The following RBMX2 variants were observed in gnomAD, a reference collection of about 807,000 sequenced individuals.
RBMX2 encodes the protein RNA binding motif protein X-linked 2, also known as RNA-binding motif protein, X-linked 2.
For synonymous variants in RBMX2, 77 were observed against 94.3 expected (o/e 0.82, Z 1.07); for missense variants, 191 against 256.0 (o/e 0.75, Z 1.73).
intron 5 of RBMX2, 134 bp downstream of exon 5, chrX:130,411,659 A>T (rs1227910529): frequency 3.2e-6 from 2 of 618,813 alleles, no homozygotes; most frequent in Non-Finnish European, 4.7e-6. Context: ...TTGGGAAAGC[A>T]GGGAGTATCA....
chrX:130,403,785 G>A lies in RBMX2; in HGVS notation c.122-17G>A, dbSNP rs773755631. The A allele has an allele frequency of 2.5e-6, 3 of 1,205,264 alleles. No individual in the cohort carries two copies. Among genetic ancestry groups the A allele is most frequent in the East Asian group, 5.9e-5 (2 of 33,851 alleles). The stretch of plus-strand genomic sequence containing the variant: ...TGGTAAATGTTGGTGGAACTGAAAT[G>A]TGGTTTTCTCTTCTAGGAGGGCTTC... On this transcript the variant is annotated splice_polypyrimidine_tract_variant and intron_variant, in intron 2 of 5. Coordinates refer to ENST00000305536, the MANE Select transcript of RBMX2 (RefSeq NM_016024.4).
Position 130,406,809 on chromosome X carries a change from T to C in RBMX2, c.174-2448T>C, listed in dbSNP as rs2034488194. Among the ~76,000 whole-genome samples, 3 of 111,517 alleles carry C rather than the reference T, an allele frequency of 2.7e-5. No individual in the cohort carries two copies. The Admixed American group carries it at 2.8e-4, about 11-fold the overall frequency. On this transcript the variant is annotated intron_variant, in intron 3 of 5. Transcript: ENST00000305536. ...AATTCATTTATGTTTCATATACACCTTATACACATAGACTGAGGGTAATTT... is the reference window on the plus strand; with the variant it reads ...AATTCATTTATGTTTCATATACACCCTATACACATAGACTGAGGGTAATTT...
intron 1 of RBMX2, 30 bp from the exon 2 acceptor site, chrX:130,402,225 A>AACCAACCCCCCCC: frequency 3.0e-6 from 3 of 984,795 alleles, no homozygotes; most frequent in Non-Finnish European, 4.2e-6. Context: ...TTTTCTGCCT[A>AACCAACCCCCCCC]CCCTCCCCAC....
At chrX:130,408,425 A>G (rs1013612385) in intron 3 of RBMX2, among the ~76,000 whole-genome samples, 2 of 112,551 alleles carry the variant, frequency 1.8e-5, no homozygotes, top group Admixed American at 1.9e-4. Flanking sequence ...GTATGACGTT[A>G]GCCACATTTC....
chrX:130,402,225 A>ACCCCCCCCCCCCCCC, intron 1 of RBMX2, 30 bp from the exon 2 acceptor site: 1 of 984,793 alleles, frequency 1.0e-6, no homozygotes, highest in Admixed American at 2.5e-5. Context: ...TTTTCTGCCT[A>ACCCCCCCCCCCCCCC]CCCTCCCCAC....
Position 130,403,824 on chromosome X carries a change from T to C in RBMX2, c.144T>C (p.Thr48=). ...IFLGGLPYEL[T]EGDIICVFSQ... ...TAGGAGGGCTTCCTTATGAACTGAC[T>C]GAAGGGGACATCATCTGTGTGTTCT... The change falls in exon 3 of 6, where the codon ACT becomes ACC. Residue 48 remains threonine (T), a synonymous_variant. Transcript: ENST00000305536. 1 of 1,211,256 alleles carries C rather than the reference T, an allele frequency of 8.3e-7. No individual in the cohort carries two copies. The highest frequency in any genetic ancestry group is 1.8e-5 in the South Asian group (1 of 57,009).
At chrX:130,412,058 G>A (rs185007504) in intron 5 of RBMX2, among the ~76,000 whole-genome samples, 257 of 109,981 alleles carry the variant, frequency 2.3e-3, no homozygotes, top group Non-Finnish European at 3.7e-3. Context: ...GAGTAGCTGG[G>A]ACTAGAAGCA....
intron 3 of RBMX2, among the ~76,000 whole-genome samples, chrX:130,408,414 A>G (rs762053575): frequency 1.8e-5 from 2 of 112,389 alleles, no homozygotes; most frequent in Non-Finnish European, 3.8e-5. Context: ...AATTTTCCTG[A>G]GTATGACGTT....
intron 3 of RBMX2, among the ~76,000 whole-genome samples, chrX:130,405,834 T>G: frequency 8.9e-4 from 1 of 1,126 alleles, no homozygotes; most frequent in East Asian, 0.029. Flanking sequence ...TTGCTTTGCC[T>G]TTTTTTTTTT....
rs759323960 is a variant in RBMX2, at chrX:130,409,249, ATAAAT to A, written c.174-7_174-3del. The A allele has an allele frequency of 1.7e-6, 2 of 1,192,044 alleles. No individual in the cohort carries two copies. The highest frequency in any genetic ancestry group is 5.9e-5 in the East Asian group (2 of 33,674). Reference sequence around the variant, plus strand: ...CAACAGTGTCTTACTCTTTTATAAAATAAATAGATATGGGGAGATTGTTAACATTA... The same window carrying A: ...CAACAGTGTCTTACTCTTTTATAAAAAGATATGGGGAGATTGTTAACATTA... On this transcript the variant is annotated splice_region_variant and splice_polypyrimidine_tract_variant and intron_variant, in intron 3 of 5. Transcript: ENST00000305536.
intron 4 of RBMX2, among the ~76,000 whole-genome samples, chrX:130,410,169 A>G (rs976635443): frequency 2.7e-5 from 3 of 111,769 alleles, no homozygotes; most frequent in Non-Finnish European, 3.8e-5. Context: ...GCCAGCAGTC[A>G]GAGGGCATCA....
chrX:130,408,574 T>A (rs189996396), intron 3 of RBMX2, among the ~76,000 whole-genome samples: 13 of 111,710 alleles, frequency 1.2e-4, no homozygotes, highest in African/African-American at 4.2e-4. Flanking sequence ...AACTTTTTTT[T>A]ATTTAAAATA....
intron 2 of RBMX2, 123 bp downstream of exon 2, chrX:130,402,493 G>C (rs1240169341): frequency 3.8e-6 from 4 of 1,064,248 alleles, no homozygotes; most frequent in Non-Finnish European, 5.0e-6. Context: ...TCCATCTGCT[G>C]TCTGCCCGGG....
chrX:130,407,149 A>G (rs1450809283), intron 3 of RBMX2, among the ~76,000 whole-genome samples: 1 of 102,524 alleles, frequency 9.8e-6, no homozygotes, highest in Non-Finnish European at 2.0e-5. Context: ...TTTTTTTTTA[A>G]TTCTTGTTTT....
chrX:130,402,191 GC>G (rs1290227632), intron 1 of RBMX2, 63 bp from the exon 2 acceptor site: 1 of 1,172,411 alleles, frequency 8.5e-7, no homozygotes, highest in East Asian at 3.1e-5. Flanking sequence ...CTCAGCTCCG[GC>G]CGGTTCGCAC....
chrX:130,412,824 T>G lies in RBMX2; in HGVS notation c.945T>G (p.Asn315Lys), dbSNP rs1168424819. The change falls in exon 6 of 6, where the codon AAT becomes AAG. Residue 315 changes from asparagine to lysine, a missense_variant. Coordinates refer to ENST00000305536, the MANE Select transcript of RBMX2 (RefSeq NM_016024.4). ...ARRSRERESSNPSDRWRH is the reference protein window; with the variant it reads ...ARRSRERESSKPSDRWRH Reference sequence around the variant, plus strand: ...GCTCCCGGGAGCGGGAGTCTTCGAATCCCAGTGACCGTTGGCGTCACTGAA... The same window carrying G: ...GCTCCCGGGAGCGGGAGTCTTCGAAGCCCAGTGACCGTTGGCGTCACTGAA... The G allele has an allele frequency of 8.3e-7, 1 of 1,209,728 alleles. No homozygotes were observed. Among genetic ancestry groups the G allele is most frequent in the Non-Finnish European group, 1.1e-6 (1 of 894,991 alleles).
intron 1 of RBMX2, 31 bp from the exon 2 acceptor site, chrX:130,402,224 T>TCCCCCCCC: frequency 8.5e-7 from 1 of 1,174,332 alleles, no homozygotes; most frequent in Non-Finnish European, 1.1e-6. Flanking sequence ...CTTTTCTGCC[T>TCCCCCCCC]ACCCTCCCCA....
At chrX:130,407,134 C>A (rs1352010165) in intron 3 of RBMX2, among the ~76,000 whole-genome samples, 1 of 99,524 alleles carries the variant, frequency 1.0e-5, no homozygotes, top group Non-Finnish European at 2.1e-5. Flanking sequence ...TGCCTGTATT[C>A]TTTTTTTTTT....
chrX:130,402,082 G>T, intron 1 of RBMX2, 45 bp downstream of exon 1: 1 of 1,190,662 alleles, frequency 8.4e-7, no homozygotes, highest in Non-Finnish European at 1.1e-6. Flanking sequence ...CGGGCCACTG[G>T]GGGTGGTCCA....
Sources: allele counts gnomAD v4.1 joint callset (sites outside exome capture counted in the v4.1 genomes callset), GRCh38; gene constraint gnomAD v4.1.1; transcripts MANE v1.5; gene names NCBI Gene and HGNC (gene_info 2026-07-23, HGNC 2026-07-21).